MB: variants seen among roughly 807,000 people sequenced by gnomAD.
MB encodes the protein myoglobin, also known as nitrite reductase MB.
In MB, 10 loss-of-function variants were observed where a neutral mutation model predicts 14.5. The ratio of observed to expected loss-of-function variants is 0.69; its 90% CI spans 0.43 to 1.17. MB has a LOEUF of 1.17. MB is among the 50% of genes most tolerant of loss of function. MB has a pLI of 0.00. For synonymous variants in MB, 89 were observed against 78.6 expected, an observed-to-expected ratio of 1.13 and a Z score of -0.70; for missense variants, 169 against 192.7, an observed-to-expected ratio of 0.88 and a Z score of 0.73.
chr22:35,610,422 G>C (rs988630110), intron 2 of MB, among the ~76,000 whole-genome samples: 1 of 152,280 alleles, frequency 6.6e-6, no homozygotes, highest in East Asian at 1.9e-4. Flanking sequence ...GCATGTACCA[G>C]ACTCCCAGTG....
upstream of MB, among the ~76,000 whole-genome samples, chr22:35,618,470 T>C (rs1224706388): frequency 6.6e-6 from 1 of 152,194 alleles, no homozygotes; most frequent in Non-Finnish European, 1.5e-5. Flanking sequence ...TATTCAACCA[T>C]CTATCCATTT....
chr22:35,622,612 C>T (rs1923545596), intron 1 of MB: 1 of 152,444 alleles, frequency 6.6e-6, no homozygotes, highest in Non-Finnish European at 1.5e-5. Context: ...TGGCAAGGCT[C>T]CTCCTCTCCC....
chr22:35,617,365 C>G (rs28564512), upstream of MB: 1 of 746,814 alleles, frequency 1.3e-6, no homozygotes, highest in Non-Finnish European at 2.3e-6. Flanking sequence ...TTTATACCTT[C>G]TGGGATGCTT....
upstream of MB, among the ~76,000 whole-genome samples, chr22:35,621,265 T>G (rs576181051): frequency 1.5e-4 from 23 of 152,270 alleles, no homozygotes; most frequent in Middle Eastern, 3.4e-3. Flanking sequence ...TGATACCCAG[T>G]GGGGCAAAAC....
chr22:35,613,654 C>T (rs1266958172), intron 1 of MB, among the ~76,000 whole-genome samples: 1 of 143,934 alleles, frequency 6.9e-6, no homozygotes, highest in Non-Finnish European at 1.5e-5. Flanking sequence ...CACCACCACG[C>T]CCAGCTAATT....
chr22:35,612,037 A>G (rs767758671), intron 1 of MB, among the ~76,000 whole-genome samples: 2 of 151,900 alleles, frequency 1.3e-5, no homozygotes, highest in Non-Finnish European at 2.9e-5. Context: ...TTGGCTAGCT[A>G]GCGGCAGAGC....
chr22:35,607,552 A>C, intron 2 of MB, 109 bp from the exon 3 acceptor site: 1 of 1,022,854 alleles, frequency 9.8e-7, no homozygotes, highest in Non-Finnish European at 1.4e-6. Context: ...CCGTGTATTG[A>C]GCACTTGCTA....
chr22:35,619,177 CAG>C (rs1923305041), upstream of MB, among the ~76,000 whole-genome samples: 1 of 152,340 alleles, frequency 6.6e-6, no homozygotes. Context: ...TCAAGGAACT[CAG>C]AGTCTTTTTA....
chr22:35,607,736 C>G (rs957062340), intron 2 of MB, among the ~76,000 whole-genome samples: 5 of 152,164 alleles, frequency 3.3e-5, no homozygotes, highest in African/African-American at 1.2e-4. Flanking sequence ...AGCCCACGCT[C>G]TTACTCACAG....
chr22:35,614,881 T>G (rs867046744), intron 1 of MB, among the ~76,000 whole-genome samples: 23 of 152,096 alleles, frequency 1.5e-4, no homozygotes, highest in Admixed American at 5.2e-4. Flanking sequence ...TTCAAACATT[T>G]TATGACCTTG....
At chr22:35,618,369 G>T (rs1311550246), upstream of MB, among the ~76,000 whole-genome samples, 2 of 152,198 alleles carry the variant, frequency 1.3e-5, no homozygotes, top group Non-Finnish European at 2.9e-5. Flanking sequence ...AATGTTTATT[G>T]AGTAAATGGG....
upstream of MB, among the ~76,000 whole-genome samples, chr22:35,620,158 G>A (rs2145927271): frequency 6.6e-6 from 1 of 152,230 alleles, no homozygotes; most frequent in Non-Finnish European, 1.5e-5. Context: ...ACATGTTCAA[G>A]CCCTGTCTCT....
intron 1 of MB, among the ~76,000 whole-genome samples, chr22:35,612,588 C>T (rs1405893155): frequency 6.6e-6 from 1 of 152,108 alleles, no homozygotes; most frequent in Admixed American, 6.5e-5. Flanking sequence ...TCCCAAAGTG[C>T]TGGGATTACA....
intron 1 of MB, among the ~76,000 whole-genome samples, chr22:35,616,232 G>A (rs550177323): frequency 4.3e-4 from 65 of 152,262 alleles, no homozygotes; most frequent in African/African-American, 1.6e-3. Context: ...TGAGGGAAGG[G>A]GCCAAGAGAA....
upstream of MB, among the ~76,000 whole-genome samples, chr22:35,617,769 CCCCTTTGCCAGAGACCCCTCA>C (rs1923192024): frequency 6.6e-6 from 1 of 152,172 alleles, no homozygotes; most frequent in Non-Finnish European, 1.5e-5. Context: ...GCACCTTCTG[CCCCTTTGCCAGAGACCCCTCA>C]CCCAGCCAGA....
intron 2 of MB, among the ~76,000 whole-genome samples, chr22:35,609,305 G>A (rs147510209): frequency 0.011 from 1,738 of 152,300 alleles, 28 homozygotes; most frequent in African/African-American, 0.04. Flanking sequence ...GGAGGGGCTG[G>A]CAGATGGAAC....
chr22:35,616,433 C>T (rs574657840), intron 1 of MB, among the ~76,000 whole-genome samples: 3 of 152,310 alleles, frequency 2.0e-5, no homozygotes, highest in South Asian at 2.1e-4. Context: ...TACTCAACAT[C>T]GAAGGTCACT....
rs1007091071 is a variant in MB at position 35,608,257 on chromosome 22, C to A, written c.319-814G>T. Among the ~76,000 whole-genome samples, 3 of 152,324 alleles carry A rather than the reference C, an allele frequency of 2.0e-5. No homozygotes were observed. Among genetic ancestry groups the A allele is most frequent in the South Asian group, 4.1e-4 (2 of 4,828 alleles). ...TCAAGTTAACCAGATTTGATCCCAA[C>A]CACAGCCCTGGCTGGTGCACCAAGG... On this transcript the variant is annotated intron_variant, in intron 2 of 2. Coordinates refer to ENST00000397326, the MANE Select transcript of MB (RefSeq NM_005368.3). The surrounding 1 kb of genome is among the most constrained non-coding windows in gnomAD (Gnocchi z 4.3).
chr22:35,616,538 A>G (rs940819887), intron 1 of MB, among the ~76,000 whole-genome samples: 1 of 152,206 alleles, frequency 6.6e-6, no homozygotes, highest in Non-Finnish European at 1.5e-5. Flanking sequence ...TCTAGGACTC[A>G]GTATATGCCA....
Sources: allele counts gnomAD v4.1 joint callset (sites outside exome capture counted in the v4.1 genomes callset), GRCh38; gene constraint gnomAD v4.1.1; non-coding constraint Gnocchi (gnomAD v3.1); transcripts MANE v1.5; gene names NCBI Gene and HGNC (gene_info 2026-07-23, HGNC 2026-07-21).